Variants in ANKRD17 observed in about 807,000 individuals in gnomAD.
ANKRD17 encodes the protein ankyrin repeat domain 17.
ANKRD17 carries 19 observed loss-of-function variants against 229.7 expected under a neutral mutation model. The observed-to-expected ratio is 0.08, with a 90% CI of 0.06 to 0.12. The LOEUF (loss-of-function observed/expected upper bound fraction) is 0.12, where lower values mean the gene tolerates loss of function less well. ANKRD17 is among the 10% of genes least tolerant of loss of function. ANKRD17 has a pLI of 1.00. For synonymous variants in ANKRD17, 1,112 were observed against 1,146.1 expected (o/e 0.97, Z 0.60); for missense variants, 2,176 against 3,176.8 (o/e 0.68, Z 7.57).
At chr4:73,254,716 C>T (rs903432884) in intron 1 of ANKRD17, among the ~76,000 whole-genome samples, 13 of 150,128 alleles carry the variant, frequency 8.7e-5, no homozygotes, top group Admixed American at 4.0e-4. Flanking sequence ...TGCAGTGAGC[C>T]GAGATCAGAC....
At position 73,139,892 on chromosome 4, in the gene ANKRD17, G is replaced by A. The variant is rs1036858565; in HGVS notation, c.2724C>T (p.His908=). The A allele has an allele frequency of 1.4e-5, 22 of 1,614,198 alleles. No homozygotes were observed. The highest frequency in any genetic ancestry group is 1.8e-5 in the Non-Finnish European group (21 of 1,180,042). The change falls in exon 15 of 34, where the codon CAC becomes CAT. Residue 908 remains histidine (H), a synonymous_variant. Coordinates refer to ENST00000358602, the MANE Select transcript of ANKRD17 (RefSeq NM_032217.5). ...CTCCAACAGGAGTTAGTAATCCCAGGTGTTGGCAAGACTGTTGCTGCTGTT... is the reference window on the plus strand; with the variant it reads ...CTCCAACAGGAGTTAGTAATCCCAGATGTTGGCAAGACTGTTGCTGCTGTT... ...LQQQQQQSCQ[H]LGLLTPVGVG...
chr4:73,090,632 G>C (rs775740487), intron 29 of ANKRD17, 35 bp downstream of exon 29: 5 of 1,611,350 alleles, frequency 3.1e-6, no homozygotes, highest in Admixed American at 3.4e-5. Context: ...TTGTGCAAAT[G>C]AACAGCTGCA....
chr4:73,094,822 G>A (rs1282170768), intron 27 of ANKRD17, among the ~76,000 whole-genome samples: 1 of 151,874 alleles, frequency 6.6e-6, no homozygotes, highest in Non-Finnish European at 1.5e-5. Flanking sequence ...CCCTTTTGGT[G>A]CTTTACTCAT....
chr4:73,094,096 G>A lies in ANKRD17; in HGVS notation c.5310C>T (p.Asp1770=), dbSNP rs1215515966. 3.1e-6 allele frequency: 5 copies of A among 1,613,484 alleles called. No individual in the cohort carries two copies. Among genetic ancestry groups the A allele is most frequent in the Non-Finnish European group, 4.2e-6 (5 of 1,179,762 alleles). ...AGTTTTGCCTTATAGTGATTATCCG[G>A]TCTCCAGTCTTGTCTTTCTGTTTAT... The part of the protein sequence containing the change: ...DIDKQKDKTG[D]RIITIRGGTE... Residue 1770 remains aspartate (D), a synonymous_variant, in exon 28 of 34, where the codon GAC becomes GAT. Transcript: ENST00000358602.
intron 1 of ANKRD17, among the ~76,000 whole-genome samples, chr4:73,249,477 T>C (rs551951599): frequency 6.6e-6 from 1 of 152,378 alleles, no homozygotes; most frequent in African/African-American, 2.4e-5. Context: ...TTTTCTAAAC[T>C]GAAATAGCAC....
chr4:73,203,625 G>A (rs1237544705), intron 1 of ANKRD17, among the ~76,000 whole-genome samples: 2 of 151,910 alleles, frequency 1.3e-5, no homozygotes, highest in Non-Finnish European at 2.9e-5. Flanking sequence ...GGGCTTGGTG[G>A]CTGATGCCTG....
At chr4:73,089,766 T>C (rs1345717472) in intron 29 of ANKRD17, among the ~76,000 whole-genome samples, 1 of 152,178 alleles carries the variant, frequency 6.6e-6, no homozygotes, top group Non-Finnish European at 1.5e-5. Context: ...CTTCTACATA[T>C]ATCAGTGTTG....
chr4:73,176,626 A>G (rs1166436523), intron 2 of ANKRD17, among the ~76,000 whole-genome samples: 1 of 152,144 alleles, frequency 6.6e-6, no homozygotes, highest in Non-Finnish European at 1.5e-5. Context: ...GTTAGAAAAA[A>G]TGAATAAGAC....
intron 30 of ANKRD17, among the ~76,000 whole-genome samples, chr4:73,084,933 C>T (rs1457549384): frequency 6.6e-6 from 1 of 152,036 alleles, no homozygotes; most frequent in Non-Finnish European, 1.5e-5. Flanking sequence ...CCTGTAATCC[C>T]AGCTCTTTGG....
rs1287758300 is a variant in ANKRD17, at chr4:73,179,515, TA to T, written c.394-1983del. ...ATATATATATATATATATATATATA[TA>T]TATTTTTTTTTTTTTTTTTAAAGAG... On this transcript the variant is annotated intron_variant, in intron 1 of 33. Coordinates refer to ENST00000358602, the MANE Select transcript of ANKRD17 (RefSeq NM_032217.5). Among the ~76,000 whole-genome samples the T allele has an allele frequency of 2.3e-3, 233 of 100,576 alleles. 1 individual carries two copies. Among genetic ancestry groups the T allele is most frequent in the African/African-American group, 8.4e-3 (223 of 26,434 alleles). The allele number at this position is 100,576 out of a possible 152,430, so 66.0% of individuals were successfully genotyped here.
intron 25 of ANKRD17, among the ~76,000 whole-genome samples, chr4:73,101,894 G>A (rs1430671792): frequency 6.6e-6 from 1 of 151,866 alleles, no homozygotes; most frequent in East Asian, 1.9e-4. Context: ...ATAAAGTTAG[G>A]GAGGAATTCA....
chr4:73,210,547 T>C (rs574247155), intron 1 of ANKRD17, among the ~76,000 whole-genome samples: 3 of 152,178 alleles, frequency 2.0e-5, no homozygotes, highest in Non-Finnish European at 4.4e-5. Context: ...AGCCACAAGT[T>C]TGGAACCTTT....
At chr4:73,085,827 A>T (rs113725882) in intron 29 of ANKRD17, among the ~76,000 whole-genome samples, 113 of 45,200 alleles carry the variant, frequency 2.5e-3, no homozygotes, top group African/African-American at 8.4e-3. Flanking sequence ...ACAAAAAATT[A>T]AAAAAAAAAA....
chr4:73,135,324 C>G, intron 15 of ANKRD17, 59 bp from the exon 16 acceptor site: 1 of 1,482,496 alleles, frequency 6.7e-7, no homozygotes, highest in Non-Finnish European at 9.2e-7. Flanking sequence ...AATACTAAGA[C>G]ATATTCACTC....
intron 1 of ANKRD17, among the ~76,000 whole-genome samples, chr4:73,190,326 G>A (rs553612803): frequency 5.9e-5 from 9 of 152,000 alleles, no homozygotes; most frequent in South Asian, 2.1e-4. Flanking sequence ...CTGAGATTGC[G>A]CCACTGCACC....
chr4:73,177,209 A>T (rs937500000), intron 2 of ANKRD17, among the ~76,000 whole-genome samples, 171 bp downstream of exon 2: 1 of 152,260 alleles, frequency 6.6e-6, no homozygotes, highest in Non-Finnish European at 1.5e-5. Context: ...TGAAAATTAC[A>T]ATATGCTTTA....
chr4:73,098,844 C>G (rs1723604664), intron 25 of ANKRD17: 1 of 1,521,324 alleles, frequency 6.6e-7, no homozygotes, highest in African/African-American at 1.4e-5. Flanking sequence ...AGCTTGAAGT[C>G]CAGCCAGCCC....
At chr4:73,178,825 T>C (rs1735075637) in intron 1 of ANKRD17, among the ~76,000 whole-genome samples, 1 of 152,172 alleles carries the variant, frequency 6.6e-6, no homozygotes, top group East Asian at 1.9e-4. Flanking sequence ...ATCACAGTGC[T>C]ACTTACAAAT....
intron 1 of ANKRD17, among the ~76,000 whole-genome samples, chr4:73,178,596 C>T (rs574625354): frequency 3.3e-5 from 5 of 151,920 alleles, no homozygotes; most frequent in African/African-American, 4.8e-5. Context: ...GCACCATCAT[C>T]GTAAATGTCA....
Sources: allele counts gnomAD v4.1 joint callset (sites outside exome capture counted in the v4.1 genomes callset), GRCh38; gene constraint gnomAD v4.1.1; transcripts MANE v1.5; gene names NCBI Gene and HGNC (gene_info 2026-07-23, HGNC 2026-07-21).